The following ATP2B2 variants were observed in gnomAD, a reference collection of about 807,000 sequenced individuals.
ATP2B2 encodes plasma membrane calcium-transporting ATPase 2.
ATP2B2 carries 15 observed loss-of-function variants against 120.0 expected under a neutral mutation model. That is an observed-to-expected ratio of 0.12 (90% confidence interval 0.08 to 0.19). The LOEUF is 0.19. Ranked by LOEUF, ATP2B2 falls within the 10% of genes least tolerant of loss-of-function variation. The pLI is 1.00. For missense variants in ATP2B2, 1,045 were observed against 1,719.8 expected, an observed-to-expected ratio of 0.61 and a Z score of 6.94; for synonymous variants, 694 against 700.3, an observed-to-expected ratio of 0.99 and a Z score of 0.14.
chr3:10,644,892 G>A (rs903971511), intron 1 of ATP2B2, among the ~76,000 whole-genome samples: 2 of 152,224 alleles, frequency 1.3e-5, no homozygotes, highest in Non-Finnish European at 2.9e-5. Flanking sequence ...TTAATTTTAT[G>A]TTATGTGAAT....
chr3:10,400,968 G>A lies in ATP2B2; in HGVS notation c.766C>T (p.Pro256Ser). 6.2e-7 allele frequency: 1 copy of A among 1,614,058 alleles called. No homozygotes were observed. The highest frequency in any genetic ancestry group is 2.2e-5 in the East Asian group (1 of 44,876). Reference protein sequence around the residue: ...DQVRKSVDKDPMLLSGTHVME... With the variant: ...DQVRKSVDKDSMLLSGTHVME... ...TGAAGCTCACCTGACAGCAGCATGG[G>A]GTCCTTGTCCACGGACTTGCGCACC... Residue 256 changes from proline to serine, a missense_variant, in exon 5 of 23, where the codon CCC (proline) becomes TCC (serine). Coordinates refer to ENST00000360273, the MANE Select transcript of ATP2B2 (RefSeq NM_001001331.4).
At chr3:10,589,742 T>C (rs1271464468) in intron 2 of ATP2B2, among the ~76,000 whole-genome samples, 1 of 152,196 alleles carries the variant, frequency 6.6e-6, no homozygotes, top group Non-Finnish European at 1.5e-5. Flanking sequence ...TCAGAATGGC[T>C]AAAGTAATAA....
At position 10,488,193 on chromosome 3, in the gene ATP2B2, C is replaced by G. The variant is rs139006480; in HGVS notation, c.-320+17272G>C. Among the ~76,000 whole-genome samples the G allele has an allele frequency of 1.1e-3, 171 of 150,188 alleles. 1 individual carries two copies. The highest frequency in any genetic ancestry group is 0.01 in the East Asian group (50 of 4,946). ...TCCATCTACCCACCCATCTATCCATCCACCCATCTATCCATCCATCCATCC... is the reference window on the plus strand; with the variant it reads ...TCCATCTACCCACCCATCTATCCATGCACCCATCTATCCATCCATCCATCC... On this transcript the variant is annotated intron_variant, in intron 1 of 22. Transcript: ENST00000360273.
intron 1 of ATP2B2, among the ~76,000 whole-genome samples, chr3:10,695,251 GGAGAGAGAGAGA>G (rs140200422): frequency 7.9e-6 from 1 of 126,910 alleles, no homozygotes; most frequent in Non-Finnish European, 1.6e-5. Context: ...AGGGAGGGAG[GGAGAGAGAGAGA>G]GAGAGAGAGA....
chr3:10,684,072 A>G (rs1014347394), intron 1 of ATP2B2, among the ~76,000 whole-genome samples: 6 of 152,196 alleles, frequency 3.9e-5, no homozygotes, highest in South Asian at 2.1e-4. Context: ...AAAACTGTCA[A>G]TCACATGCTT....
At position 10,346,812 on chromosome 3, in the gene ATP2B2, A is replaced by G. The variant is rs1039643647; in HGVS notation, c.2405-675T>C. On this transcript the variant is annotated intron_variant, in intron 16 of 22. Coordinates refer to ENST00000360273, the MANE Select transcript of ATP2B2 (RefSeq NM_001001331.4). This position sits in a 1 kb window ranked among gnomAD's most constrained non-coding sequence, Gnocchi z 4.1. The stretch of plus-strand genomic sequence containing the variant: ...ATGGGGCTTGCGAGCAGGGATGTCC[A>G]TGGGCACGACAGGAATTTGGGTATC... 6.6e-6 allele frequency among the ~76,000 whole-genome samples: 1 copy of G among 152,190 alleles called. No homozygotes were observed. The highest frequency in any genetic ancestry group is 2.4e-5 in the African/African-American group (1 of 41,450).
At chr3:10,386,454 T>C (rs1366540903) in intron 7 of ATP2B2, 26 bp downstream of exon 7, 7 of 1,612,560 alleles carry the variant, frequency 4.3e-6, no homozygotes, top group Non-Finnish European at 5.9e-6. Context: ...TAAAAGCCCA[T>C]CTACCCTGAG....
chr3:10,449,625 T>A lies in ATP2B2; in HGVS notation c.-82A>T, dbSNP rs2063964126. 6.5e-7 allele frequency: 1 copy of A among 1,534,646 alleles called. No homozygotes were observed. The highest frequency in any genetic ancestry group is 1.4e-5 in the African/African-American group (1 of 73,066). ...GCCGGGTGATGGCTGCTTGTGGCTG[T>A]CCTCAGCACACCCTCACTGGTCAGC... On this transcript the variant is annotated 5_prime_UTR_variant, in exon 2 of 23. Coordinates refer to ENST00000360273, the MANE Select transcript of ATP2B2 (RefSeq NM_001001331.4).
At chr3:10,569,510 T>C (rs1204389804) in intron 2 of ATP2B2, among the ~76,000 whole-genome samples, 1 of 152,184 alleles carries the variant, frequency 6.6e-6, no homozygotes, top group Non-Finnish European at 1.5e-5. Flanking sequence ...TTTTTTTTCT[T>C]ATTTTAGTAG....
At position 10,650,203 on chromosome 3, in the gene ATP2B2, T is replaced by C. The variant is rs2070419605; in HGVS notation, c.-459-30242A>G. Among the ~76,000 whole-genome samples, 4 of 152,352 alleles carry C rather than the reference T, an allele frequency of 2.6e-5. No homozygotes were observed. In the South Asian group the frequency reaches 8.3e-4, roughly 32 times the overall value. ...TTTGACAAAAATGCTCATAGTGATA[T>C]AAACAATAACGTCCAGACTGAGGTG... On this transcript the variant is annotated intron_variant, in intron 1 of 21. Transcript: ENST00000646379.
chr3:10,544,050 A>C (rs2067493128), intron 2 of ATP2B2, among the ~76,000 whole-genome samples: 1 of 152,020 alleles, frequency 6.6e-6, no homozygotes, highest in South Asian at 2.1e-4. Flanking sequence ...TGTTCTTCAT[A>C]ATTTTTAAGA....
chr3:10,679,890 G>C (rs192082800), intron 1 of ATP2B2, among the ~76,000 whole-genome samples: 2 of 152,320 alleles, frequency 1.3e-5, no homozygotes, highest in African/African-American at 4.8e-5. Context: ...AGAAATAAGA[G>C]AGCAGGAGGG....
intron 1 of ATP2B2, among the ~76,000 whole-genome samples, chr3:10,458,305 C>A (rs961556730): frequency 4.6e-5 from 7 of 152,178 alleles, no homozygotes; most frequent in Non-Finnish European, 7.4e-5. Flanking sequence ...CCACACAGAG[C>A]CCCCCAGTAA....
intron 5 of ATP2B2, among the ~76,000 whole-genome samples, chr3:10,390,758 C>T (rs991907456): frequency 6.6e-6 from 1 of 152,134 alleles, no homozygotes; most frequent in African/African-American, 2.4e-5. Context: ...TTTTTTCCCC[C>T]TTGGCAGGGC....
chr3:10,543,072 A>G (rs1055815531), intron 2 of ATP2B2, among the ~76,000 whole-genome samples: 1 of 152,128 alleles, frequency 6.6e-6, no homozygotes, highest in African/African-American at 2.4e-5. Context: ...CTATTGTTCT[A>G]TATTTCAGTT....
intron 1 of ATP2B2, among the ~76,000 whole-genome samples, chr3:10,493,339 A>G (rs1310075956): frequency 6.6e-6 from 1 of 152,136 alleles, no homozygotes; most frequent in Non-Finnish European, 1.5e-5. Flanking sequence ...TATGAAATAA[A>G]CCGAAGGGGA....
chr3:10,573,473 A>G (rs1032824969), intron 2 of ATP2B2, among the ~76,000 whole-genome samples: 2 of 152,132 alleles, frequency 1.3e-5, no homozygotes, highest in Admixed American at 1.3e-4. Flanking sequence ...TCTCTTCCCT[A>G]GAACTTTGAT....
In ATP2B2 at chr3:10,669,617, T is replaced by C. The variant is rs559663988; in HGVS notation, c.-460+38298A>G. Among the ~76,000 whole-genome samples the C allele has an allele frequency of 2.8e-4, 43 of 152,332 alleles. No homozygotes were observed. In the South Asian group the frequency reaches 8.9e-3, roughly 32 times the overall value. Reference sequence around the variant, plus strand: ...GGGCCCAGGCACCCATAAATATTTTTGACAAGTTCCCAGGCAATTTCAATG... The same window carrying C: ...GGGCCCAGGCACCCATAAATATTTTCGACAAGTTCCCAGGCAATTTCAATG... On this transcript the variant is annotated intron_variant, in intron 1 of 21. Coordinates refer to the ATP2B2 transcript ENST00000646379.
intron 1 of ATP2B2, among the ~76,000 whole-genome samples, chr3:10,500,192 C>T (rs981360015): frequency 2.6e-5 from 4 of 151,614 alleles, no homozygotes; most frequent in Admixed American, 6.6e-5. Flanking sequence ...CCTGTCTTGG[C>T]GTCCCAAAGT....
Sources: gnomAD v4.1 joint callset for allele counts (sites outside exome capture counted in the v4.1 genomes callset) on GRCh38, gnomAD v4.1.1 for gene constraint, Gnocchi (gnomAD v3.1) non-coding constraint, MANE v1.5 for transcripts, NCBI Gene and HGNC (gene_info 2026-07-23, HGNC 2026-07-21) for gene names.